Variants in CRKL observed in about 807,000 individuals in gnomAD.
CRKL encodes crk-like protein.
Under a neutral mutation model 23.0 loss-of-function variants are expected in CRKL, and 3 were observed. The observed-to-expected ratio is 0.13, with a 90% CI of 0.06 to 0.34. The LOEUF (loss-of-function observed/expected upper bound fraction) is 0.34, where lower values mean the gene tolerates loss of function less well. Among genes scored for constraint, CRKL ranks in the 10% least tolerant of loss-of-function variants. The pLI is 1.00. For synonymous variants in CRKL, 188 were observed against 160.7 expected (o/e 1.17, Z -1.28); for missense variants, 256 against 394.5 (o/e 0.65, Z 2.97).
At position 20,920,664 on chromosome 22, in the gene CRKL, C is replaced by T. The variant is rs1403274354; in HGVS notation, c.311+2419C>T. Among the ~76,000 whole-genome samples the T allele has an allele frequency of 2.0e-5, 3 of 152,156 alleles. No individual in the cohort carries two copies. In the East Asian group the frequency reaches 5.8e-4, roughly 29 times the overall value. Reference sequence around the variant, plus strand: ...TCTGTCTTTGCCCTCTTTCGTCCTTCCTTTACTGCAGCTGTACTAGGCTGC... The same window carrying T: ...TCTGTCTTTGCCCTCTTTCGTCCTTTCTTTACTGCAGCTGTACTAGGCTGC... On this transcript the variant is annotated intron_variant, in intron 1 of 2. Coordinates refer to ENST00000354336, the MANE Select transcript of CRKL (RefSeq NM_005207.4).
At chr22:20,924,960 C>T (rs950459041) in intron 1 of CRKL, among the ~76,000 whole-genome samples, 2 of 150,474 alleles carry the variant, frequency 1.3e-5, no homozygotes, top group Non-Finnish European at 3.0e-5. Context: ...GAGGCTTAGG[C>T]GGGCGGATCA....
At chr22:20,941,656 A>G (rs1218618699) in intron 2 of CRKL, among the ~76,000 whole-genome samples, 1 of 131,952 alleles carries the variant, frequency 7.6e-6, no homozygotes, top group African/African-American at 3.0e-5. Context: ...GTGCAGTGGC[A>G]TGATATCAGC....
At chr22:20,922,182 C>G (rs1013456763) in intron 1 of CRKL, among the ~76,000 whole-genome samples, 10 of 151,656 alleles carry the variant, frequency 6.6e-5, no homozygotes, top group African/African-American at 2.2e-4. Flanking sequence ...GCCACCATGT[C>G]CGGCTAATTT....
rs1418708599 is a variant in CRKL at position 20,918,128 on chromosome 22, C to T, written c.194C>T (p.Ser65Leu). The T allele has an allele frequency of 6.2e-7, 1 of 1,614,082 alleles. No individual in the cohort carries two copies. The highest frequency in any genetic ancestry group is 1.3e-5 in the African/African-American group (1 of 74,918). Residue 65 changes from serine (S) to leucine (L), a missense_variant, in exon 1 of 3, where the codon TCG becomes TTG. Physicochemically the swap from Ser to Leu is moderately radical, Grantham distance 145. Around this residue, in one of 3 missense-constraint regions of CRKL, gnomAD observed 85 missense variants for 139.8 expected, o/e 0.61. Coordinates refer to ENST00000354336, the MANE Select transcript of CRKL (RefSeq NM_005207.4). ...NSRVSHYIIN[S>L]LPNRRFKIGD... ...CGGGTCTCCCACTACATCATCAACT[C>T]GCTGCCCAACCGCCGTTTTAAGATC...
chr22:20,945,829 ACG>A (rs931614440), intron 2 of CRKL, among the ~76,000 whole-genome samples: 1 of 138,852 alleles, frequency 7.2e-6, no homozygotes, highest in African/African-American at 3.4e-5. Context: ...GTATCTCTTC[ACG>A]GCCTACACAT....
At chr22:20,945,740 C>T (rs978311706) in intron 2 of CRKL, among the ~76,000 whole-genome samples, 10 of 152,156 alleles carry the variant, frequency 6.6e-5, no homozygotes, top group African/African-American at 2.4e-4. Flanking sequence ...TGCAGGTGCA[C>T]AGAGAACACA....
chr22:20,948,001 CTA>C (rs1378403676), intron 2 of CRKL, among the ~76,000 whole-genome samples: 5 of 152,130 alleles, frequency 3.3e-5, no homozygotes, highest in African/African-American at 7.2e-5. Context: ...GCTTTTCACA[CTA>C]TGTTATTATC....
intron 1 of CRKL, among the ~76,000 whole-genome samples, chr22:20,926,801 C>T (rs1018932404): frequency 2.6e-5 from 4 of 152,102 alleles, no homozygotes; most frequent in African/African-American, 9.6e-5. Context: ...GCATTAAATG[C>T]TGGTCAGTGA....
rs142253971 is a variant in CRKL at position 20,947,457 on chromosome 22, C to T, written c.778-2254C>T. On this transcript the variant is annotated intron_variant, in intron 2 of 2. Coordinates refer to ENST00000354336, the MANE Select transcript of CRKL (RefSeq NM_005207.4). ...AAGTGATTCTCCTGCGTCAGCCTCC[C>T]GAGTAGTTGGAATTTGGGATTACAG... 4.4e-3 allele frequency among the ~76,000 whole-genome samples: 664 copies of T among 151,814 alleles called. 4 individuals are homozygous for T. The highest frequency in any genetic ancestry group is 6.8e-3 in the Middle Eastern group (2 of 294).
intron 2 of CRKL, among the ~76,000 whole-genome samples, chr22:20,941,578 G>T (rs12167072): frequency 2.6e-5 from 1 of 38,966 alleles, no homozygotes; most frequent in African/African-American, 1.1e-4. Context: ...GTGTGTGTGT[G>T]TATATATATA....
In CRKL at chr22:20,953,607, G is replaced by A. The variant is rs1017558135; in HGVS notation, c.*3762G>A. 2.3e-5 allele frequency: 5 copies of A among 214,142 alleles called. No individual in the cohort carries two copies. Among genetic ancestry groups the A allele is most frequent in the South Asian group, 1.9e-4 (1 of 5,352 alleles). 13.3% of individuals were successfully genotyped at this position (214,142 alleles called of 1,614,324 possible). ...ATGACTTATATTCTTAGAATACATC[G>A]AGTGTCTTTTCTTAACAGATTAGTG... On this transcript the variant is annotated 3_prime_UTR_variant, in exon 3 of 3. Coordinates refer to ENST00000354336, the MANE Select transcript of CRKL (RefSeq NM_005207.4).
At position 20,917,666 on chromosome 22, in the gene CRKL, C is replaced by T. The variant is rs916882941; in HGVS notation, c.-269C>T. The T allele has an allele frequency of 1.0e-5, 5 of 476,924 alleles. No homozygotes were observed. The highest frequency in any genetic ancestry group is 3.9e-5 in the Admixed American group (1 of 25,446). The allele number at this position is 476,924 out of a possible 1,614,324, so 29.5% of individuals were successfully genotyped here. A position where few individuals can be genotyped will look rare whatever the true frequency, so the allele number is the denominator to read the frequency against. ...GAGAACCCCGGGGTGGCCTCCGCTG[C>T]GGCTCGGGTTTGCCTGCCCCGACCC... On this transcript the variant is annotated 5_prime_UTR_variant, in exon 1 of 3. Coordinates refer to ENST00000354336, the MANE Select transcript of CRKL (RefSeq NM_005207.4).
chr22:20,934,963 G>A (rs1335814548), intron 2 of CRKL, among the ~76,000 whole-genome samples: 1 of 151,730 alleles, frequency 6.6e-6, no homozygotes, highest in African/African-American at 2.4e-5. Context: ...ACAGGCACCC[G>A]CCACCACGCC....
At chr22:20,928,158 A>G (rs1296663626) in intron 1 of CRKL, among the ~76,000 whole-genome samples, 2 of 151,910 alleles carry the variant, frequency 1.3e-5, no homozygotes, top group Non-Finnish European at 2.9e-5. Context: ...CTCTGTCTCA[A>G]AAAAAAAGTA....
chr22:20,936,700 A>C (rs573454879), intron 2 of CRKL, among the ~76,000 whole-genome samples: 1 of 151,908 alleles, frequency 6.6e-6, no homozygotes, highest in South Asian at 2.1e-4. Context: ...ACTGCACCTG[A>C]AGGTTTGTTT....
Position 20,952,542 on chromosome 22 carries a change from A to G in CRKL, c.*2697A>G, listed in dbSNP as rs58561717. ...GGATACTCTGTTTTTCACACTAAACATATGAATGCAGCACTGCTGCCTCAG... is the reference window on the plus strand; with the variant it reads ...GGATACTCTGTTTTTCACACTAAACGTATGAATGCAGCACTGCTGCCTCAG... On this transcript the variant is annotated 3_prime_UTR_variant, in exon 3 of 3. Transcript: ENST00000354336. 3.8e-3 allele frequency: 886 copies of G among 232,280 alleles called. 8 individuals carry two copies. The highest frequency in any genetic ancestry group is 0.018 in the African/African-American group (832 of 45,402). The allele number at this position is 232,280 out of a possible 1,614,324, so 14.4% of individuals were successfully genotyped here. A position where few individuals can be genotyped will look rare whatever the true frequency, so the allele number is the denominator to read the frequency against.
Position 20,917,732 on chromosome 22 carries a change from G to A in CRKL, c.-203G>A. ...CATTCCCGGGCGGCTCTCTCCGTGT[G>A]GCGGCCCCGGAGCAGGCGGGCGGCG... On this transcript the variant is annotated 5_prime_UTR_variant, in exon 1 of 3. Transcript: ENST00000354336. 1 of 599,750 alleles carries A rather than the reference G, an allele frequency of 1.7e-6. No individual in the cohort carries two copies. Among genetic ancestry groups the A allele is most frequent in the Non-Finnish European group, 2.9e-6 (1 of 346,956 alleles). 37.2% of individuals were successfully genotyped at this position (599,750 alleles called of 1,614,324 possible). A position where few individuals can be genotyped will look rare whatever the true frequency, so the allele number is the denominator to read the frequency against.
intron 2 of CRKL, among the ~76,000 whole-genome samples, chr22:20,941,588 A>ATTTTTTTTTTTTTTTTTTT (rs1198699701): frequency 3.0e-5 from 1 of 33,554 alleles, no homozygotes. Context: ...GTATATATAT[A>ATTTTTTTTTTTTTTTTTTT]TTTTTTTTTT....
At chr22:20,925,365 G>A (rs1005115849) in intron 1 of CRKL, among the ~76,000 whole-genome samples, 4 of 151,998 alleles carry the variant, frequency 2.6e-5, no homozygotes, top group East Asian at 3.9e-4. Flanking sequence ...TGGGCCGGGC[G>A]TGGTGGCTCA....
Sources: allele counts gnomAD v4.1 joint callset (sites outside exome capture counted in the v4.1 genomes callset), GRCh38; gene constraint gnomAD v4.1.1; regional missense constraint gnomAD v4.1.1; transcripts MANE v1.5; gene names NCBI Gene and HGNC (gene_info 2026-07-23, HGNC 2026-07-21).